Variants in ATRX observed in about 807,000 individuals in gnomAD.
The protein encoded by ATRX is chromatin remodeler ATRX.
In ATRX, 12 loss-of-function variants were observed where a neutral mutation model predicts 172.6. That is an observed-to-expected ratio of 0.07 (90% CI 0.04 to 0.11). The LOEUF is 0.11. Among genes scored for constraint, ATRX ranks in the 10% least tolerant of loss-of-function variants. ATRX has a pLI of 1.00. For missense variants in ATRX, 1,368 were observed against 1,767.4 expected (o/e 0.77, Z 4.05); for synonymous variants, 674 against 594.7 (o/e 1.13, Z -1.94).
intron 9 of ATRX, among the ~76,000 whole-genome samples, chrX:77,679,495 A>G (rs2071074512): frequency 8.9e-6 from 1 of 112,072 alleles, no homozygotes; most frequent in Non-Finnish European, 1.9e-5. Context: ...CAAGAGATGC[A>G]TCAATTGAGT....
intron 1 of ATRX, among the ~76,000 whole-genome samples, chrX:77,718,606 C>T (rs1024127993): frequency 2.7e-5 from 3 of 110,599 alleles, no homozygotes; most frequent in African/African-American, 6.6e-5. Context: ...TATCTCCTGA[C>T]CTCGTGATCC....
intron 2 of ATRX, among the ~76,000 whole-genome samples, chrX:77,715,878 T>A (rs1268874825): frequency 9.0e-6 from 1 of 111,229 alleles, no homozygotes; most frequent in Non-Finnish European, 1.9e-5. Flanking sequence ...AACTCTCTTA[T>A]ACTTTTTTTG....
rs567765533 is a variant in ATRX, at chrX:77,537,286, C to T, written c.6700-13885G>A. Among the ~76,000 whole-genome samples, 7 of 111,598 alleles carry T rather than the reference C, an allele frequency of 6.3e-5. No homozygotes were observed. In the South Asian group the frequency reaches 2.3e-3, roughly 36 times the overall value. ...ATTATTGTGGAGATTAAATACTACA[C>T]ATGAAGTGCTGAGTACAGTGCCTGG... On this transcript the variant is annotated intron_variant, in intron 30 of 34. Transcript: ENST00000373344.
intron 15 of ATRX, among the ~76,000 whole-genome samples, chrX:77,645,003 A>C (rs1651039846): frequency 9.0e-6 from 1 of 111,704 alleles, no homozygotes; most frequent in South Asian, 3.8e-4. Flanking sequence ...GAAAGCAGCA[A>C]GAGAGAAGCA....
chrX:77,693,208 TAGAC>T (rs1158339779), intron 6 of ATRX, among the ~76,000 whole-genome samples: 8 of 111,141 alleles, frequency 7.2e-5, no homozygotes, highest in Admixed American at 6.7e-4. Flanking sequence ...TAAGGGAAGA[TAGAC>T]AGACAAAGGG....
intron 22 of ATRX, among the ~76,000 whole-genome samples, chrX:77,611,948 G>A (rs1301476918): frequency 1.8e-5 from 2 of 111,634 alleles, no homozygotes; most frequent in African/African-American, 6.5e-5. Context: ...TTCTGATTAT[G>A]GAAGTTTTAC....
chrX:77,706,091 ATC>A (rs1217367681), intron 2 of ATRX, among the ~76,000 whole-genome samples: 2 of 108,310 alleles, frequency 1.8e-5, no homozygotes, highest in Non-Finnish European at 3.8e-5. Context: ...GGCTCAAGTG[ATC>A]CTTCTGCCTC....
At chrX:77,629,824 G>A (rs1047655560) in intron 19 of ATRX, among the ~76,000 whole-genome samples, 2 of 111,760 alleles carry the variant, frequency 1.8e-5, no homozygotes, top group Admixed American at 1.9e-4. Flanking sequence ...GACCACTTAC[G>A]TTCGACATTG....
rs1912218273 is a variant in ATRX at position 77,506,286 on chromosome X, A to G, written c.*2065T>C. The G allele has an allele frequency of 5.8e-6, 1 of 171,632 alleles. No individual in the cohort carries two copies. Among genetic ancestry groups the G allele is most frequent in the South Asian group, 3.1e-4 (1 of 3,226 alleles). 14.1% of individuals were successfully genotyped at this position (171,632 alleles called of 1,213,427 possible). A position where few individuals can be genotyped will look rare whatever the true frequency, so the allele number is the denominator to read the frequency against. On this transcript the variant is annotated 3_prime_UTR_variant, in exon 35 of 35. Transcript: ENST00000373344. ...TACTCAAAGTACATATTATATAGCT[A>G]AAATGTCAAGTGAGAAGAGTGTATA...
At chrX:77,656,480 T>C in intron 13 of ATRX, 80 bp downstream of exon 13, 1 of 730,782 alleles carries the variant, frequency 1.4e-6, no homozygotes, top group East Asian at 3.2e-5. Flanking sequence ...ACTTTATTGG[T>C]AACAGTAACC....
chrX:77,781,209 A>C (rs2076555774), intron 1 of ATRX, among the ~76,000 whole-genome samples: 1 of 110,543 alleles, frequency 9.0e-6, no homozygotes, highest in Non-Finnish European at 1.9e-5. Flanking sequence ...TGGAGGCCGA[A>C]GCGGGTGGAA....
In ATRX at chrX:77,547,954, A is replaced by G. The variant is rs149554427; in HGVS notation, c.6699+9497T>C. Among the ~76,000 whole-genome samples, 148 of 112,071 alleles carry G rather than the reference A, an allele frequency of 1.3e-3. 1 individual carries two copies. Among genetic ancestry groups the G allele is most frequent in the Admixed American group, 0.013 (136 of 10,479 alleles). ...ATAAGTATTTCAGAGAAATGAACCTACTATAATGGTAATATTAATAACAAT... is the reference window on the plus strand; with the variant it reads ...ATAAGTATTTCAGAGAAATGAACCTGCTATAATGGTAATATTAATAACAAT... On this transcript the variant is annotated intron_variant, in intron 30 of 34. Coordinates refer to ENST00000373344, the MANE Select transcript of ATRX (RefSeq NM_000489.6).
At chrX:77,668,837 GAA>G (rs782525215) in intron 10 of ATRX, among the ~76,000 whole-genome samples, 3 of 84,070 alleles carry the variant, frequency 3.6e-5, no homozygotes, top group Non-Finnish European at 4.8e-5. Flanking sequence ...AGCAATCGGG[GAA>G]AAAAAAAAAA....
intron 1 of ATRX, among the ~76,000 whole-genome samples, chrX:77,780,284 TAAGAG>T (rs1557204931): frequency 9.0e-6 from 1 of 111,156 alleles, no homozygotes; most frequent in Non-Finnish European, 1.9e-5. Flanking sequence ...AAAAGGCAGA[TAAGAG>T]AAAATGATAA....
intron 1 of ATRX, among the ~76,000 whole-genome samples, chrX:77,725,277 T>C (rs1256317455): frequency 9.0e-6 from 1 of 111,470 alleles, no homozygotes; most frequent in African/African-American, 3.3e-5. Context: ...AACAGAGATA[T>C]AGAACAATGG....
In ATRX at chrX:77,681,926, AGAT is replaced by A. The variant is rs1225014954; in HGVS notation, c.3327_3329del (p.Ser1110del). ...CTTTCATGGAATATTTCTCAGTATCAGATGATGAACAATCTTGTCTCTTCCTTG... is the reference window on the plus strand; with the variant it reads ...CTTTCATGGAATATTTCTCAGTATCAGATGAACAATCTTGTCTCTTCCTTG... On this transcript the variant is annotated inframe_deletion, in exon 9 of 35. Coordinates refer to ENST00000373344, the MANE Select transcript of ATRX (RefSeq NM_000489.6). 1 of 1,208,570 alleles carries A rather than the reference AGAT, an allele frequency of 8.3e-7. No homozygotes were observed. The highest frequency in any genetic ancestry group is 1.8e-5 in the African/African-American group (1 of 56,978).
rs1557107132 is a variant in ATRX at position 77,634,559 on chromosome X, A to C, written c.4809+35T>G. 1.3e-5 allele frequency: 14 copies of C among 1,110,672 alleles called. No homozygotes were observed. In the South Asian group the frequency reaches 2.4e-4, roughly 19 times the overall value. The allele number at this position is 1,110,672 out of a possible 1,213,427, so 91.5% of individuals were successfully genotyped here. A position where few individuals can be genotyped will look rare whatever the true frequency, so the allele number is the denominator to read the frequency against. On this transcript the variant is annotated intron_variant, in intron 17 of 34. Transcript: ENST00000373344. ...ATCCAATATATATTAATGAATCCAC[A>C]AAAACAGGATACCTTCATATTCTTC...
In ATRX at chrX:77,696,708, T is replaced by A. The variant is rs782131289; in HGVS notation, c.243-4A>T. Reference sequence around the variant, plus strand: ...CTTTGTTACAATTGAAGGTTTCCTATGAAAGAATTAAGTTCATAGAATTAT... The same window carrying A: ...CTTTGTTACAATTGAAGGTTTCCTAAGAAAGAATTAAGTTCATAGAATTAT... On this transcript the variant is annotated splice_polypyrimidine_tract_variant and splice_region_variant and intron_variant, in intron 4 of 34. Transcript: ENST00000373344. The A allele has an allele frequency of 4.2e-6, 5 of 1,190,946 alleles. No homozygotes were observed. The highest frequency in any genetic ancestry group is 5.7e-6 in the Non-Finnish European group (5 of 877,669).
intron 22 of ATRX, chrX:77,616,230 T>A: frequency 1.2e-6 from 1 of 845,382 alleles, no homozygotes; most frequent in Middle Eastern, 5.9e-4. Flanking sequence ...ATTAAATAAC[T>A]GAGAAACAAA....
Sources: gnomAD v4.1 joint callset for allele counts (sites outside exome capture counted in the v4.1 genomes callset) on GRCh38, gnomAD v4.1.1 for gene constraint, MANE v1.5 for transcripts, NCBI Gene and HGNC (gene_info 2026-07-23, HGNC 2026-07-21) for gene names.